The following SLC22A23 variants were observed in gnomAD, a reference collection of about 807,000 sequenced individuals.
SLC22A23 encodes the protein solute carrier family 22 member 23.
In SLC22A23, 26 loss-of-function variants were observed where a neutral mutation model predicts 61.0. The ratio of observed to expected loss-of-function variants is 0.43; its 90% CI spans 0.31 to 0.59. SLC22A23 has a LOEUF of 0.59. Ranked by LOEUF, SLC22A23 falls within the 20% of genes least tolerant of loss-of-function variation. The pLI, the probability that SLC22A23 is intolerant of heterozygous loss-of-function variation, is 0.11. For synonymous variants in SLC22A23, 430 were observed against 413.9 expected (o/e 1.04, Z -0.47); for missense variants, 796 against 934.7 (o/e 0.85, Z 1.94).
intron 4 of SLC22A23, 65 bp downstream of exon 4, chr6:3,323,769 G>T: frequency 6.5e-7 from 1 of 1,530,354 alleles, no homozygotes; most frequent in Non-Finnish European, 8.8e-7. Flanking sequence ...GTCCTGCCCG[G>T]GGCCGGGCCT....
rs886279499 is a variant in SLC22A23 at position 3,269,459 on chromosome 6, C to T, written c.*3596G>A. 3.9e-5 allele frequency: 6 copies of T among 152,708 alleles called. No individual in the cohort carries two copies. The highest frequency in any genetic ancestry group is 1.5e-5 in the Non-Finnish European group (1 of 68,040). 9.5% of individuals were successfully genotyped at this position (152,708 alleles called of 1,614,324 possible). On this transcript the variant is annotated 3_prime_UTR_variant, in exon 10 of 10. Transcript: ENST00000406686. ...GTAGGGAAGACATTCCAGAGGAAAT[C>T]TGTTAATGGGGCAACGTTTTTATTT...
intron 3 of SLC22A23, among the ~76,000 whole-genome samples, chr6:3,358,840 G>A (rs1400613585): frequency 6.6e-6 from 1 of 152,220 alleles, no homozygotes; most frequent in Non-Finnish European, 1.5e-5. Context: ...TGAGGAAGAA[G>A]TGAGAAGGGA....
chr6:3,314,277 T>TC (rs1581675332), intron 4 of SLC22A23, among the ~76,000 whole-genome samples: 1 of 152,124 alleles, frequency 6.6e-6, no homozygotes, highest in Non-Finnish European at 1.5e-5. Context: ...CCCAGGGCCC[T>TC]CCGCTTGCCC....
intron 4 of SLC22A23, among the ~76,000 whole-genome samples, chr6:3,320,265 CA>C (rs1762872102): frequency 1.3e-5 from 2 of 152,156 alleles, no homozygotes; most frequent in Non-Finnish European, 2.9e-5. Flanking sequence ...TTTTAACCAG[CA>C]TTTATATGTG....
At position 3,304,791 on chromosome 6, in the gene SLC22A23, G is replaced by A. The variant is rs2127368245; in HGVS notation, c.1083-6573C>T. Among the ~76,000 whole-genome samples, 1 of 152,234 alleles carries A rather than the reference G, an allele frequency of 6.6e-6. No individual in the cohort carries two copies. Among genetic ancestry groups the A allele is most frequent in the Non-Finnish European group, 1.5e-5 (1 of 68,012 alleles). On this transcript the variant is annotated intron_variant, in intron 4 of 9. Coordinates refer to ENST00000406686, the MANE Select transcript of SLC22A23 (RefSeq NM_015482.2). This position sits in a 1 kb window ranked among gnomAD's most constrained non-coding sequence, Gnocchi z 4.3. ...GGAGGTGTGTGGGGCAGGACCCAGA[G>A]GTAAGGCATGGGGTTGTGGGACGGT...
chr6:3,428,270 C>G (rs1252051944), intron 1 of SLC22A23, among the ~76,000 whole-genome samples: 1 of 152,232 alleles, frequency 6.6e-6, no homozygotes, highest in Non-Finnish European at 1.5e-5. Context: ...TGCCCCTCCT[C>G]ACCCTCCAGG....
chr6:3,367,932 T>C (rs1252851327), intron 3 of SLC22A23, among the ~76,000 whole-genome samples: 1 of 152,128 alleles, frequency 6.6e-6, no homozygotes, highest in Non-Finnish European at 1.5e-5. Context: ...GAACACTGAG[T>C]CCTCTCTGCT....
chr6:3,354,611 G>A (rs1764962742), intron 3 of SLC22A23, among the ~76,000 whole-genome samples: 1 of 152,220 alleles, frequency 6.6e-6, no homozygotes, highest in African/African-American at 2.4e-5. Flanking sequence ...AGTGGGTAAA[G>A]CAATGGATGA....
At chr6:3,276,154 T>C (rs1384558042) in intron 9 of SLC22A23, among the ~76,000 whole-genome samples, 3 of 151,946 alleles carry the variant, frequency 2.0e-5, no homozygotes, top group Non-Finnish European at 4.4e-5. Context: ...TGTAACAAAA[T>C]AAGAGAAGAC....
intron 1 of SLC22A23, among the ~76,000 whole-genome samples, chr6:3,452,174 T>G (rs1043697958): frequency 6.6e-6 from 1 of 152,206 alleles, no homozygotes; most frequent in South Asian, 2.1e-4. Context: ...TATTTCCAAC[T>G]GATGAGGGGT....
At chr6:3,307,928 A>G (rs1012661485) in intron 4 of SLC22A23, among the ~76,000 whole-genome samples, 8 of 152,222 alleles carry the variant, frequency 5.3e-5, no homozygotes, top group African/African-American at 1.7e-4. Context: ...CACCTGCTAC[A>G]GCATGGGAGA....
At chr6:3,273,470 G>A in intron 9 of SLC22A23, 58 bp from the exon 10 acceptor site, 1 of 1,584,998 alleles carries the variant, frequency 6.3e-7, no homozygotes, top group South Asian at 1.1e-5. Context: ...TGGATCCCGG[G>A]AAAGCTCGGG....
rs551122853 is a variant in SLC22A23 at position 3,269,556 on chromosome 6, C to A, written c.*3499G>T. The A allele has an allele frequency of 6.5e-6, 1 of 152,814 alleles. No homozygotes were observed. Among genetic ancestry groups the A allele is most frequent in the African/African-American group, 2.4e-5 (1 of 41,450 alleles). The allele number at this position is 152,814 out of a possible 1,614,324, so 9.5% of individuals were successfully genotyped here. On this transcript the variant is annotated 3_prime_UTR_variant, in exon 10 of 10. Transcript: ENST00000406686. Reference sequence around the variant, plus strand: ...CACCATGCAGACACGCAGCTGTGAACGACAGTTCAGAACTCAGCGTAAGCT... The same window carrying A: ...CACCATGCAGACACGCAGCTGTGAAAGACAGTTCAGAACTCAGCGTAAGCT...
At chr6:3,377,312 C>T (rs1766640149) in intron 3 of SLC22A23, among the ~76,000 whole-genome samples, 1 of 151,994 alleles carries the variant, frequency 6.6e-6, no homozygotes, top group Non-Finnish European at 1.5e-5. Context: ...GAGGAAAGGG[C>T]TCTTGGCCAA....
intron 3 of SLC22A23, among the ~76,000 whole-genome samples, chr6:3,366,454 G>A (rs1765842819): frequency 6.6e-6 from 1 of 151,348 alleles, no homozygotes; most frequent in Non-Finnish European, 1.5e-5. Context: ...ATTCTCCTCT[G>A]TTAAATGGTG....
intron 8 of SLC22A23, 25 bp downstream of exon 8, chr6:3,285,054 C>T (rs201983208): frequency 3.1e-6 from 5 of 1,611,844 alleles, no homozygotes; most frequent in Non-Finnish European, 4.2e-6. Context: ...GACGAGGAAG[C>T]ACAGCCCACG....
chr6:3,360,637 T>C lies in SLC22A23; in HGVS notation c.914-36635A>G, dbSNP rs1336527797. Among the ~76,000 whole-genome samples, 1 of 152,244 alleles carries C rather than the reference T, an allele frequency of 6.6e-6. No individual in the cohort carries two copies. Among genetic ancestry groups the C allele is most frequent in the African/African-American group, 2.4e-5 (1 of 41,460 alleles). ...ACATCTCTGTATTTCCGGTCACTTA[T>C]TGCTATGCTGACTGCTCATCTAAGC... is the stretch of plus-strand genomic sequence containing the variant. On this transcript the variant is annotated intron_variant, in intron 3 of 9. Coordinates refer to ENST00000406686, the MANE Select transcript of SLC22A23 (RefSeq NM_015482.2). The surrounding 1 kb of genome is among the most constrained non-coding windows in gnomAD (Gnocchi z 4.6).
At chr6:3,320,842 CTAATATT>C (rs1368439587) in intron 4 of SLC22A23, among the ~76,000 whole-genome samples, 5 of 152,146 alleles carry the variant, frequency 3.3e-5, no homozygotes, top group Non-Finnish European at 7.3e-5. Flanking sequence ...ATAGCAGTGA[CTAATATT>C]TAATATTCAT....
chr6:3,402,843 T>A (rs1419540233), intron 3 of SLC22A23, among the ~76,000 whole-genome samples: 1 of 152,194 alleles, frequency 6.6e-6, no homozygotes, highest in Non-Finnish European at 1.5e-5. Context: ...GTTTAGTATG[T>A]AATCAAGGAA....
Sources: gnomAD v4.1 joint callset for allele counts (sites outside exome capture counted in the v4.1 genomes callset) on GRCh38, gnomAD v4.1.1 for gene constraint, Gnocchi (gnomAD v3.1) non-coding constraint, MANE v1.5 for transcripts, NCBI Gene and HGNC (gene_info 2026-07-23, HGNC 2026-07-21) for gene names.